The following CTIF variants were observed in gnomAD, a reference collection of about 807,000 sequenced individuals.
The protein encoded by CTIF is CBP80/20-dependent translation initiation factor.
Under a neutral mutation model 66.0 loss-of-function variants are expected in CTIF, and 21 were observed. The ratio of observed to expected loss-of-function variants is 0.32; its 90% CI spans 0.23 to 0.46. CTIF has a LOEUF of 0.46. Ranked by LOEUF, CTIF falls within the 20% of genes least tolerant of loss-of-function variation. The probability of loss-of-function intolerance (pLI) is 1.00; values close to 1 mark genes in which losing one functional copy is unlikely to be tolerated. For synonymous variants in CTIF, 345 were observed against 326.4 expected (o/e 1.06, Z -0.62); for missense variants, 739 against 812.7 (o/e 0.91, Z 1.10).
At chr18:48,689,398 C>T (rs992950995) in intron 6 of CTIF, among the ~76,000 whole-genome samples, 4 of 152,222 alleles carry the variant, frequency 2.6e-5, no homozygotes, top group Non-Finnish European at 5.9e-5. Flanking sequence ...AGCCCGCTCT[C>T]ATTTTAAGTG....
intron 1 of CTIF, among the ~76,000 whole-genome samples, chr18:48,564,287 C>T (rs555459547): frequency 9.2e-5 from 14 of 152,222 alleles, no homozygotes; most frequent in South Asian, 2.1e-4. Context: ...CAAGCAGGAC[C>T]GGACCTCTGT....
intron 1 of CTIF, among the ~76,000 whole-genome samples, chr18:48,596,021 G>A (rs568605632): frequency 6.6e-6 from 1 of 152,266 alleles, no homozygotes; most frequent in Admixed American, 6.5e-5. Flanking sequence ...AATCACAGAA[G>A]TGACATCCTA....
In CTIF at chr18:48,740,449, C is replaced by T. The variant is rs1027939335; in HGVS notation, c.585-17470C>T. ...CTGGTGTCTCCATCGGCTGGGCCTC[C>T]GTACTCTCTGACCATGCCTGGGCCT... On this transcript the variant is annotated intron_variant, in intron 7 of 11. Transcript: ENST00000256413. Among the ~76,000 whole-genome samples, 4 of 152,356 alleles carry T rather than the reference C, an allele frequency of 2.6e-5. No individual in the cohort carries two copies. In the South Asian group the frequency reaches 6.2e-4, roughly 24 times the overall value.
chr18:48,624,829 C>T (rs1358987611), intron 2 of CTIF, among the ~76,000 whole-genome samples: 3 of 152,208 alleles, frequency 2.0e-5, no homozygotes, highest in Non-Finnish European at 4.4e-5. Context: ...TATGAAGATA[C>T]ATTTAATGAC....
intron 7 of CTIF, among the ~76,000 whole-genome samples, chr18:48,740,060 A>G (rs1445782930): frequency 6.6e-6 from 1 of 152,232 alleles, no homozygotes; most frequent in East Asian, 1.9e-4. Flanking sequence ...TTATGTTCAC[A>G]TCTTACAGGT....
At chr18:48,593,058 T>C (rs1271195751) in intron 1 of CTIF, among the ~76,000 whole-genome samples, 3 of 152,158 alleles carry the variant, frequency 2.0e-5, no homozygotes, top group African/African-American at 7.2e-5. Context: ...TGTGAAGTTT[T>C]CTCCTGTTCC....
chr18:48,822,456 T>A (rs2068502908), intron 10 of CTIF, among the ~76,000 whole-genome samples: 1 of 152,092 alleles, frequency 6.6e-6, no homozygotes, highest in East Asian at 1.9e-4. Flanking sequence ...TCTAACTGTA[T>A]GTTTGTACCC....
intron 5 of CTIF, among the ~76,000 whole-genome samples, chr18:48,666,064 T>C (rs7229315): frequency 0.7 from 106,534 of 152,140 alleles, 38,585 homozygotes; most frequent in East Asian, 0.9. Flanking sequence ...TCTGCATTCA[T>C]ACCAGCAATG....
At chr18:48,628,922 T>A (rs928559230) in intron 2 of CTIF, among the ~76,000 whole-genome samples, 1 of 152,190 alleles carries the variant, frequency 6.6e-6, no homozygotes, top group Non-Finnish European at 1.5e-5. Context: ...GGGTCCCACA[T>A]CAGGGTCTTG....
chr18:48,823,070 A>G (rs1247132137), intron 10 of CTIF, among the ~76,000 whole-genome samples: 2 of 152,114 alleles, frequency 1.3e-5, no homozygotes, highest in Non-Finnish European at 1.5e-5. Context: ...TTAACTCTTT[A>G]TCAGATGTAT....
intron 3 of CTIF, among the ~76,000 whole-genome samples, chr18:48,655,297 T>TAAAAAAAAAAAAAA (rs35564462): frequency 2.8e-5 from 3 of 106,218 alleles, no homozygotes; most frequent in African/African-American, 9.3e-5. Context: ...AGAGCAAGAC[T>TAAAAAAAAAAAAAA]AAAAAAAAAA....
At chr18:48,726,729 A>G (rs1398967275) in intron 7 of CTIF, among the ~76,000 whole-genome samples, 1 of 152,140 alleles carries the variant, frequency 6.6e-6, no homozygotes, top group Non-Finnish European at 1.5e-5. Context: ...GTGACATGCC[A>G]TATTCTACCA....
chr18:48,631,767 C>A (rs997047696), intron 2 of CTIF, among the ~76,000 whole-genome samples: 1 of 152,166 alleles, frequency 6.6e-6, no homozygotes, highest in African/African-American at 2.4e-5. Flanking sequence ...AAACTTCCCA[C>A]GTTTCCCGCC....
At chr18:48,758,961 C>T (rs1432853783) in intron 8 of CTIF, among the ~76,000 whole-genome samples, 2 of 152,164 alleles carry the variant, frequency 1.3e-5, no homozygotes, top group African/African-American at 4.8e-5. Flanking sequence ...ACAGTGCACA[C>T]CGTAAGGTGG....
intron 3 of CTIF, among the ~76,000 whole-genome samples, chr18:48,659,463 G>A (rs761352330): frequency 6.6e-6 from 1 of 152,172 alleles, no homozygotes; most frequent in African/African-American, 2.4e-5. Context: ...CACAGCTCCG[G>A]GGGTGCTGTC....
At chr18:48,600,610 G>C (rs2090073196) in intron 1 of CTIF, among the ~76,000 whole-genome samples, 1 of 151,918 alleles carries the variant, frequency 6.6e-6, no homozygotes. Context: ...GTCAAGGACA[G>C]AGCCAGAGCA....
chr18:48,586,202 T>G (rs1204655378), intron 1 of CTIF, among the ~76,000 whole-genome samples: 1 of 152,140 alleles, frequency 6.6e-6, no homozygotes, highest in Non-Finnish European at 1.5e-5. Flanking sequence ...TTGCACATGT[T>G]TTCACTACCG....
intron 5 of CTIF, among the ~76,000 whole-genome samples, chr18:48,668,178 G>A (rs889221090): frequency 1.3e-5 from 2 of 152,382 alleles, no homozygotes; most frequent in African/African-American, 4.8e-5. Flanking sequence ...CACCCCCAGG[G>A]GCGCTGAGGC....
chr18:48,784,021 G>C (rs1911487373), intron 9 of CTIF, among the ~76,000 whole-genome samples: 2 of 152,214 alleles, frequency 1.3e-5, no homozygotes, highest in South Asian at 4.1e-4. Context: ...TCCACACCAA[G>C]ATTCATTCAT....
Sources: allele counts gnomAD v4.1 joint callset (sites outside exome capture counted in the v4.1 genomes callset), GRCh38; gene constraint gnomAD v4.1.1; transcripts MANE v1.5; gene names NCBI Gene and HGNC (gene_info 2026-07-23, HGNC 2026-07-21).